Variants in MSANTD4 observed in about 807,000 individuals in gnomAD.
The protein encoded by MSANTD4 is Myb/SANT DNA binding domain containing 4 with coiled-coils, also known as myb/SANT-like DNA-binding domain-containing protein 4.
MSANTD4 carries 13 observed loss-of-function variants against 34.3 expected under a neutral mutation model. That is an observed-to-expected ratio of 0.38 (90% confidence interval 0.25 to 0.60). The LOEUF (loss-of-function observed/expected upper bound fraction) is 0.60, where lower values mean the gene tolerates loss of function less well. Ranked by LOEUF, MSANTD4 falls within the 20% of genes least tolerant of loss-of-function variation. The pLI is 0.63. For missense variants in MSANTD4, 358 were observed against 401.8 expected (o/e 0.89, Z 0.93); for synonymous variants, 137 against 145.2 (o/e 0.94, Z 0.41).
intron 1 of MSANTD4, among the ~76,000 whole-genome samples, chr11:106,011,924 C>T (rs944544574): frequency 7.9e-5 from 12 of 152,258 alleles, no homozygotes; most frequent in African/African-American, 1.2e-4. Context: ...CAACTACCTA[C>T]ATTTTACTAC....
Position 106,009,736 on chromosome 11 carries a change from T to G in MSANTD4, c.837A>C (p.Glu279Asp). ...VNSEKPSLEN[E>D]LGQGEKSMLQ... ...GCATGGATTTTTCTCCTTGACCAAG[T>G]TCATTTTCCAAGGACGGTTTCTCTG... The change falls in exon 3 of 3, where the codon GAA (glutamate) becomes GAC (aspartate). Residue 279 changes from glutamate to aspartate, a missense_variant. Around this residue, in one of 2 missense-constraint regions of MSANTD4, gnomAD observed 312 missense variants for 317.6 expected, o/e 0.98. Coordinates refer to ENST00000301919, the MANE Select transcript of MSANTD4 (RefSeq NM_032424.3). 3 of 1,614,236 alleles carry G rather than the reference T, an allele frequency of 1.9e-6. No homozygotes were observed. In the South Asian group the frequency reaches 3.3e-5, roughly 18 times the overall value.
intron 1 of MSANTD4, among the ~76,000 whole-genome samples, chr11:106,019,083 A>G (rs189922929): frequency 2.6e-5 from 4 of 152,268 alleles, no homozygotes; most frequent in Non-Finnish European, 5.9e-5. Context: ...TGTAAACCCT[A>G]TCTGAACCCT....
At position 106,009,075 on chromosome 11, in the gene MSANTD4, T is replaced by C. The variant is rs1277817732; in HGVS notation, c.*460A>G. 1 of 154,688 alleles carries C rather than the reference T, an allele frequency of 6.5e-6. No individual in the cohort carries two copies. Among genetic ancestry groups the C allele is most frequent in the Admixed American group, 6.4e-5 (1 of 15,594 alleles). 9.6% of individuals were successfully genotyped at this position (154,688 alleles called of 1,614,324 possible). A position where few individuals can be genotyped will look rare whatever the true frequency, so the allele number is the denominator to read the frequency against. On this transcript the variant is annotated 3_prime_UTR_variant, in exon 3 of 3. Transcript: ENST00000301919. ...GGTTTCTCAACCTCAGGACTAATGA[T>C]ATTTTGGGTTGGAAAATTCTTTACT... is the stretch of plus-strand genomic sequence containing the variant.
rs1859674961 is a variant in MSANTD4, at chr11:106,010,974, T to C, written c.-57A>G. 1 of 1,501,350 alleles carries C rather than the reference T, an allele frequency of 6.7e-7. No homozygotes were observed. The highest frequency in any genetic ancestry group is 8.9e-7 in the Non-Finnish European group (1 of 1,129,752). The allele number at this position is 1,501,350 out of a possible 1,614,324, so 93.0% of individuals were successfully genotyped here. On this transcript the variant is annotated 5_prime_UTR_variant, in exon 2 of 3. Transcript: ENST00000301919. ...GATGTGAAAACAATTTGAGGAATGC[T>C]GCAAAGCACAAAAACCAGGGATAAT...
intron 1 of MSANTD4, among the ~76,000 whole-genome samples, chr11:106,011,927 T>G (rs1318652649): frequency 6.6e-6 from 1 of 152,108 alleles, no homozygotes; most frequent in Non-Finnish European, 1.5e-5. Flanking sequence ...CTACCTACAT[T>G]TTACTACTTC....
chr11:106,010,396 C>T, intron 2 of MSANTD4, 60 bp downstream of exon 2: 1 of 1,525,360 alleles, frequency 6.6e-7, no homozygotes, highest in Non-Finnish European at 8.7e-7. Flanking sequence ...AGTTCCTGAA[C>T]AATAATCTCC....
intron 1 of MSANTD4, among the ~76,000 whole-genome samples, chr11:106,017,143 T>C (rs1859874005): frequency 6.6e-6 from 1 of 152,202 alleles, no homozygotes; most frequent in African/African-American, 2.4e-5. Flanking sequence ...ATGCAATAAA[T>C]GTCATGTTAG....
At chr11:106,013,036 C>T (rs1245794195) in intron 1 of MSANTD4, among the ~76,000 whole-genome samples, 1 of 152,112 alleles carries the variant, frequency 6.6e-6, no homozygotes, top group African/African-American at 2.4e-5. Context: ...CAGTGTCTCA[C>T]ACAGTATAGT....
chr11:106,012,647 C>G (rs1353389211), intron 1 of MSANTD4, among the ~76,000 whole-genome samples: 1 of 152,130 alleles, frequency 6.6e-6, no homozygotes, highest in Admixed American at 6.5e-5. Context: ...TGAAACTTGT[C>G]AGAAATGTAA....
At chr11:106,016,423 T>C (rs1038962046) in intron 1 of MSANTD4, among the ~76,000 whole-genome samples, 1 of 152,170 alleles carries the variant, frequency 6.6e-6, no homozygotes, top group Non-Finnish European at 1.5e-5. Context: ...TGGTCAAAAC[T>C]TGGCTTTTTC....
chr11:106,013,877 C>A lies in MSANTD4; in HGVS notation c.-150-2810G>T, dbSNP rs1046289976. ...ACTTTGTCTCAAACAACAACAACAA[C>A]AAAAAAGTGTTGCTAAGGTAAGTTT... On this transcript the variant is annotated intron_variant, in intron 1 of 2. Transcript: ENST00000301919. 5.3e-5 allele frequency among the ~76,000 whole-genome samples: 8 copies of A among 152,012 alleles called. No individual in the cohort carries two copies. In the East Asian group the frequency reaches 5.8e-4, roughly 11 times the overall value.
Position 106,009,842 on chromosome 11 carries a change from T to C in MSANTD4, c.731A>G (p.Asp244Gly). The C allele has an allele frequency of 6.2e-7, 1 of 1,614,120 alleles. No individual in the cohort carries two copies. The highest frequency in any genetic ancestry group is 8.5e-7 in the Non-Finnish European group (1 of 1,180,028). Residue 244 changes from aspartate (D) to glycine (G), a missense_variant, in exon 3 of 3, where the codon GAC becomes GGC. By Grantham distance (94) the Asp-to-Gly change is moderately conservative. Transcript: ENST00000301919. ...QIEKERLRHL[D>G]MEHERLQLEK... ...TAGCTGAAGCCGCTCATGTTCCATGTCTAAATGCCGCAGCCTCTCTTTCTC... is the reference window on the plus strand; with the variant it reads ...TAGCTGAAGCCGCTCATGTTCCATGCCTAAATGCCGCAGCCTCTCTTTCTC...
intron 1 of MSANTD4, among the ~76,000 whole-genome samples, chr11:106,020,007 CT>C (rs1189376338): frequency 6.6e-6 from 1 of 152,166 alleles, no homozygotes; most frequent in Non-Finnish European, 1.5e-5. Flanking sequence ...TTTATCATGC[CT>C]AAGACATAGT....
At chr11:106,012,069 T>A (rs1266197285) in intron 1 of MSANTD4, among the ~76,000 whole-genome samples, 3 of 151,150 alleles carry the variant, frequency 2.0e-5, no homozygotes, top group Non-Finnish European at 4.4e-5. Context: ...ATGGCAAGGA[T>A]TTTACCCAGC....
intron 1 of MSANTD4, among the ~76,000 whole-genome samples, chr11:106,019,577 C>T (rs1164136128): frequency 1.3e-5 from 2 of 152,142 alleles, no homozygotes; most frequent in Non-Finnish European, 2.9e-5. Context: ...AATGCCTACT[C>T]ATCCTTCAGC....
chr11:106,015,163 C>T (rs1292560211), intron 1 of MSANTD4, among the ~76,000 whole-genome samples: 1 of 152,160 alleles, frequency 6.6e-6, no homozygotes, highest in Non-Finnish European at 1.5e-5. Flanking sequence ...CAAAGTTTAT[C>T]TATAAATAGA....
chr11:106,018,648 T>C (rs533757561), intron 1 of MSANTD4, among the ~76,000 whole-genome samples: 1 of 152,268 alleles, frequency 6.6e-6, no homozygotes, highest in East Asian at 1.9e-4. Context: ...AAAGACCTCA[T>C]CTGCCACAAA....
intron 1 of MSANTD4, among the ~76,000 whole-genome samples, chr11:106,017,325 C>T (rs1194308900): frequency 6.6e-6 from 1 of 152,232 alleles, no homozygotes; most frequent in African/African-American, 2.4e-5. Flanking sequence ...TTAACTCTGT[C>T]TACCACCAAC....
intron 1 of MSANTD4, among the ~76,000 whole-genome samples, chr11:106,017,863 C>T (rs1298927800): frequency 6.6e-6 from 1 of 152,070 alleles, no homozygotes; most frequent in African/African-American, 2.4e-5. Context: ...AAAAATTATA[C>T]AATTGAAAAA....
Sources: allele counts gnomAD v4.1 joint callset (sites outside exome capture counted in the v4.1 genomes callset), GRCh38; gene constraint gnomAD v4.1.1; regional missense constraint gnomAD v4.1.1; transcripts MANE v1.5; gene names NCBI Gene and HGNC (gene_info 2026-07-23, HGNC 2026-07-21).